Variants in CHST9 observed in about 807,000 individuals in gnomAD.
CHST9 encodes carbohydrate sulfotransferase 9.
A neutral mutation model predicts 44.4 loss-of-function variants in CHST9; 41 were observed. The ratio of observed to expected loss-of-function variants is 0.92; its 90% confidence interval spans 0.72 to 1.20. CHST9 has a LOEUF of 1.20. Ranked by LOEUF, CHST9 falls within the 50% of genes most tolerant of loss-of-function variation. The pLI, the probability that CHST9 is intolerant of heterozygous loss-of-function variation, is 0.00. For missense variants in CHST9, 504 were observed against 516.5 expected, an observed-to-expected ratio of 0.98 and a Z score of 0.23; for synonymous variants, 171 against 178.4, an observed-to-expected ratio of 0.96 and a Z score of 0.33.
Position 26,917,354 on chromosome 18 carries a change from T to C in CHST9, c.241-4A>G. 6.2e-7 allele frequency: 1 copy of C among 1,605,778 alleles called. No individual in the cohort carries two copies. The highest frequency in any genetic ancestry group is 8.5e-7 in the Non-Finnish European group (1 of 1,177,256). On this transcript the variant is annotated splice_polypyrimidine_tract_variant and splice_region_variant and intron_variant, in intron 5 of 5. Coordinates refer to ENST00000618847, the MANE Select transcript of CHST9 (RefSeq NM_031422.6). ...CAGGCATGTGAAACTTGGGGTTCTGTTAAAATAAAGAAGGAGAAATGTTGA... is the reference window on the plus strand; with the variant it reads ...CAGGCATGTGAAACTTGGGGTTCTGCTAAAATAAAGAAGGAGAAATGTTGA...
chr18:26,982,363 G>C (rs1243074541), intron 4 of CHST9, among the ~76,000 whole-genome samples: 1 of 141,610 alleles, frequency 7.1e-6, no homozygotes, highest in Non-Finnish European at 1.5e-5. Context: ...TTTGCCCTCT[G>C]CTTTGCAAGT....
At position 27,031,312 on chromosome 18, in the gene CHST9, C is replaced by A. The variant is rs114027165; in HGVS notation, c.161-7155G>T. Among the ~76,000 whole-genome samples the A allele has an allele frequency of 9.3e-3, 1,409 of 152,254 alleles. 20 individuals are homozygous for A. Among genetic ancestry groups the A allele is most frequent in the African/African-American group, 0.032 (1,348 of 41,526 alleles). On this transcript the variant is annotated intron_variant, in intron 3 of 5. Coordinates refer to ENST00000618847, the MANE Select transcript of CHST9 (RefSeq NM_031422.6). Reference sequence around the variant, plus strand: ...TAATCCTGGTCCCCAAACCACCCACCCCTCTGAACTTGCACAAGTGTCTAT... The same window carrying A: ...TAATCCTGGTCCCCAAACCACCCACACCTCTGAACTTGCACAAGTGTCTAT...
chr18:26,949,393 T>A (rs564953459), intron 4 of CHST9, among the ~76,000 whole-genome samples: 61 of 151,900 alleles, frequency 4.0e-4, no homozygotes, highest in African/African-American at 1.3e-3. Context: ...CTTTTTTTTT[T>A]AATTAGCTGG....
At position 26,907,855 on chromosome 18, in the gene CHST9, CA is replaced by C. The variant is rs1466096847; in HGVS notation, c.*8403del. 1 of 179,700 alleles carries C rather than the reference CA, an allele frequency of 5.6e-6. No homozygotes were observed. The highest frequency in any genetic ancestry group is 1.1e-5 in the Non-Finnish European group (1 of 87,944). 11.1% of individuals were successfully genotyped at this position (179,700 alleles called of 1,614,324 possible). A position where few individuals can be genotyped will look rare whatever the true frequency, so the allele number is the denominator to read the frequency against. ...AAGAAAAAAATTCTGGTACGTCCTT[CA>C]ATATGGATGAACCTTGAGGACATTA... On this transcript the variant is annotated 3_prime_UTR_variant, in exon 6 of 6. Transcript: ENST00000618847.
At chr18:27,025,706 G>T (rs2057278217) in intron 3 of CHST9, among the ~76,000 whole-genome samples, 1 of 151,954 alleles carries the variant, frequency 6.6e-6, no homozygotes, top group African/African-American at 2.4e-5. Context: ...TGATCCCCAG[G>T]GGCTGGACCT....
chr18:27,126,734 G>C (rs544378195), intron 2 of CHST9, among the ~76,000 whole-genome samples: 3 of 152,212 alleles, frequency 2.0e-5, no homozygotes, highest in Admixed American at 1.3e-4. Flanking sequence ...CTTCAAGCAG[G>C]AGGATAATCA....
At chr18:27,069,351 A>T (rs181756332) in intron 2 of CHST9, among the ~76,000 whole-genome samples, 6 of 152,154 alleles carry the variant, frequency 3.9e-5, no homozygotes, top group African/African-American at 1.4e-4. Flanking sequence ...CCTGTGACAT[A>T]CTCTCTTATC....
intron 4 of CHST9, among the ~76,000 whole-genome samples, chr18:26,998,928 C>T (rs980018249): frequency 5.9e-5 from 9 of 152,114 alleles, no homozygotes; most frequent in Admixed American, 1.3e-4. Flanking sequence ...CAGTGAGGTG[C>T]GTTGTCCATG....
intron 1 of CHST9, among the ~76,000 whole-genome samples, chr18:27,151,141 C>G (rs1351648538): frequency 6.6e-6 from 1 of 151,812 alleles, no homozygotes; most frequent in African/African-American, 2.4e-5. Context: ...AAGAATGTGA[C>G]CTTTATCATT....
At chr18:26,961,850 A>G (rs891278306) in intron 4 of CHST9, among the ~76,000 whole-genome samples, 10 of 152,168 alleles carry the variant, frequency 6.6e-5, no homozygotes, top group African/African-American at 2.4e-4. Context: ...TTTTTTGCAC[A>G]TTAGGACAGG....
intron 2 of CHST9, among the ~76,000 whole-genome samples, chr18:27,074,854 T>G (rs182441350): frequency 6.8e-6 from 1 of 148,024 alleles, no homozygotes; most frequent in African/African-American, 2.4e-5. Context: ...TATAAATATA[T>G]GATATATAGT....
At chr18:26,945,265 G>A (rs2056145762) in intron 4 of CHST9, among the ~76,000 whole-genome samples, 2 of 152,270 alleles carry the variant, frequency 1.3e-5, no homozygotes, top group South Asian at 4.1e-4. Context: ...ATAATGCAGA[G>A]AGATCTCTTG....
intron 4 of CHST9, among the ~76,000 whole-genome samples, chr18:26,990,650 G>C (rs1012390706): frequency 6.6e-6 from 1 of 152,120 alleles, no homozygotes; most frequent in African/African-American, 2.4e-5. Context: ...GGTGTTTGCT[G>C]TGTCTTCCCT....
Position 27,105,036 on chromosome 18 carries a change from A to C in CHST9, c.121+37653T>G, listed in dbSNP as rs73944527. Among the ~76,000 whole-genome samples the C allele has an allele frequency of 3.3e-3, 500 of 152,184 alleles. 2 individuals are homozygous for C. Among genetic ancestry groups the C allele is most frequent in the African/African-American group, 0.012 (487 of 41,554 alleles). ...AAGTTTTATTAGCATCTATTTTTTC[A>C]GGTTTTCTCCTCTTCTCTTTTCCCC... On this transcript the variant is annotated intron_variant, in intron 2 of 5. Coordinates refer to ENST00000618847, the MANE Select transcript of CHST9 (RefSeq NM_031422.6).
At chr18:26,971,367 C>T (rs575507551) in intron 4 of CHST9, among the ~76,000 whole-genome samples, 2 of 151,810 alleles carry the variant, frequency 1.3e-5, no homozygotes, top group African/African-American at 2.4e-5. Flanking sequence ...ATTCACTCAA[C>T]AAACACTTAT....
chr18:27,072,726 G>C (rs754084416), intron 2 of CHST9, among the ~76,000 whole-genome samples: 1 of 152,124 alleles, frequency 6.6e-6, no homozygotes, highest in South Asian at 2.1e-4. Context: ...AGTAATCCAA[G>C]CCTTGGCAGA....
At chr18:27,119,078 G>C (rs976874100) in intron 2 of CHST9, among the ~76,000 whole-genome samples, 1 of 152,034 alleles carries the variant, frequency 6.6e-6, no homozygotes, top group Admixed American at 6.6e-5. Flanking sequence ...ACAAGTCTTT[G>C]AAAAGATCAT....
intron 2 of CHST9, among the ~76,000 whole-genome samples, chr18:27,095,567 A>G (rs1170107626): frequency 6.6e-6 from 1 of 152,204 alleles, no homozygotes; most frequent in Non-Finnish European, 1.5e-5. Flanking sequence ...AATGACGCCA[A>G]TAGGCTCAAA....
At chr18:27,046,783 ACATT>A in intron 3 of CHST9, among the ~76,000 whole-genome samples, 1 of 152,088 alleles carries the variant, frequency 6.6e-6, no homozygotes, top group Non-Finnish European at 1.5e-5. Flanking sequence ...GAGCCCCCTA[ACATT>A]CCCCTAGAAT....
Sources: gnomAD v4.1 joint callset for allele counts (sites outside exome capture counted in the v4.1 genomes callset) on GRCh38, gnomAD v4.1.1 for gene constraint, MANE v1.5 for transcripts, NCBI Gene and HGNC (gene_info 2026-07-23, HGNC 2026-07-21) for gene names.